Variants in GPC5 observed in about 807,000 individuals in gnomAD.
GPC5 encodes the protein glypican-5.
In GPC5, 47 loss-of-function variants were observed where a neutral mutation model predicts 53.9. That is an observed-to-expected ratio of 0.87 (90% CI 0.69 to 1.11). The LOEUF is 1.11. Ranked by LOEUF, GPC5 falls within the 50% of genes most tolerant of loss-of-function variation. The probability of loss-of-function intolerance (pLI) is 0.00; values close to 1 mark genes in which losing one functional copy is unlikely to be tolerated. For synonymous variants in GPC5, 286 were observed against 263.3 expected, an observed-to-expected ratio of 1.09 and a Z score of -0.84; for missense variants, 748 against 713.1, an observed-to-expected ratio of 1.05 and a Z score of -0.56.
chr13:91,572,072 CACACATATGTATATGTACATGT>C (rs2031899380), intron 2 of GPC5, among the ~76,000 whole-genome samples: 3 of 131,952 alleles, frequency 2.3e-5, no homozygotes, highest in African/African-American at 1.0e-4. Flanking sequence ...CATGTATATA[CACACATATGTATATGTACATGT>C]GTGTGTATAT....
At chr13:91,555,909 T>G (rs533476272) in intron 2 of GPC5, among the ~76,000 whole-genome samples, 65 of 152,136 alleles carry the variant, frequency 4.3e-4, no homozygotes, top group African/African-American at 1.4e-3. Flanking sequence ...TATCTTCCAT[T>G]AGGTCCCTCC....
chr13:92,014,143 T>G (rs2040686231), intron 6 of GPC5, among the ~76,000 whole-genome samples: 1 of 152,220 alleles, frequency 6.6e-6, no homozygotes, highest in Non-Finnish European at 1.5e-5. Flanking sequence ...TGCCTTTATC[T>G]ACTTAGCTCC....
In GPC5 at chr13:92,148,790, T is replaced by C. The variant is rs138348504; in HGVS notation, c.1561+3801T>C. On this transcript the variant is annotated intron_variant, in intron 7 of 7. Transcript: ENST00000377067. ...AAAAATAATTCTCTTCTTTTGGCCATGCAGAACGAATCTAATATTAAAATC... is the reference window on the plus strand; with the variant it reads ...AAAAATAATTCTCTTCTTTTGGCCACGCAGAACGAATCTAATATTAAAATC... Among the ~76,000 whole-genome samples the C allele has an allele frequency of 3.0e-3, 452 of 152,190 alleles. 3 individuals are homozygous for C. Among genetic ancestry groups the C allele is most frequent in the African/African-American group, 0.01 (432 of 41,562 alleles).
intron 6 of GPC5, among the ~76,000 whole-genome samples, chr13:92,040,085 A>G (rs765783529): frequency 2.6e-5 from 4 of 152,216 alleles, no homozygotes; most frequent in Non-Finnish European, 5.9e-5. Flanking sequence ...GTGGAGAGTA[A>G]TTAAAATGAG....
At chr13:92,415,582 G>T (rs1233425803) in intron 7 of GPC5, among the ~76,000 whole-genome samples, 1 of 151,956 alleles carries the variant, frequency 6.6e-6, no homozygotes, top group Non-Finnish European at 1.5e-5. Flanking sequence ...GCAATAGTGA[G>T]CTTGAAGTGT....
At chr13:92,841,534 A>AAGAT (rs758186242) in intron 7 of GPC5, among the ~76,000 whole-genome samples, 3 of 152,104 alleles carry the variant, frequency 2.0e-5, no homozygotes, top group Non-Finnish European at 4.4e-5. Context: ...TTCTGACTCC[A>AAGAT]AGATAGCATT....
chr13:92,813,304 T>C (rs1006095484), intron 7 of GPC5, among the ~76,000 whole-genome samples: 4 of 151,894 alleles, frequency 2.6e-5, no homozygotes, highest in African/African-American at 9.7e-5. Context: ...TCAAAATAAT[T>C]TTGTAATCTT....
intron 7 of GPC5, among the ~76,000 whole-genome samples, chr13:92,352,208 CTGAAAAACATA>C (rs1466972698): frequency 6.6e-6 from 1 of 151,424 alleles, no homozygotes; most frequent in Non-Finnish European, 1.5e-5. Flanking sequence ...ACAAATGAAC[CTGAAAAACATA>C]TGAAAAAAAT....
chr13:91,488,491 G>A (rs1305014927), intron 2 of GPC5, among the ~76,000 whole-genome samples: 1 of 152,166 alleles, frequency 6.6e-6, no homozygotes, highest in Non-Finnish European at 1.5e-5. Context: ...AAGATTTCAT[G>A]GACATTTGTT....
chr13:92,256,362 A>G (rs1194346186), intron 7 of GPC5, among the ~76,000 whole-genome samples: 1 of 151,968 alleles, frequency 6.6e-6, no homozygotes, highest in African/African-American at 2.4e-5. Context: ...ATATAACAAC[A>G]ACAAAAAATG....
At chr13:91,494,691 G>A (rs1253566712) in intron 2 of GPC5, among the ~76,000 whole-genome samples, 1 of 152,136 alleles carries the variant, frequency 6.6e-6, no homozygotes. Flanking sequence ...CTAGTCAGCA[G>A]TAGGGGACAG....
At chr13:92,031,904 A>T (rs2040854370) in intron 6 of GPC5, among the ~76,000 whole-genome samples, 1 of 107,108 alleles carries the variant, frequency 9.3e-6, no homozygotes, top group Non-Finnish European at 1.8e-5. Flanking sequence ...TATTTTATAT[A>T]TTATATATTA....
At chr13:91,999,207 C>A (rs1274494379) in intron 6 of GPC5, among the ~76,000 whole-genome samples, 1 of 150,692 alleles carries the variant, frequency 6.6e-6, no homozygotes. Flanking sequence ...TCAAAATAAC[C>A]TTTTTTTTTT....
intron 7 of GPC5, among the ~76,000 whole-genome samples, chr13:92,390,482 T>C (rs976931030): frequency 6.6e-6 from 1 of 152,210 alleles, no homozygotes; most frequent in African/African-American, 2.4e-5. Context: ...TCCACTTTTC[T>C]GCATGACATA....
At chr13:91,919,039 A>G (rs2039685854) in intron 6 of GPC5, among the ~76,000 whole-genome samples, 1 of 152,174 alleles carries the variant, frequency 6.6e-6, no homozygotes, top group Admixed American at 6.5e-5. Flanking sequence ...ACAGAATTCC[A>G]TCCTAATTAC....
chr13:91,932,769 C>T (rs1171226557), intron 6 of GPC5, among the ~76,000 whole-genome samples: 1 of 151,948 alleles, frequency 6.6e-6, no homozygotes, highest in African/African-American at 2.4e-5. Context: ...GTAATGGCCT[C>T]CTAGCATCTA....
intron 7 of GPC5, among the ~76,000 whole-genome samples, chr13:92,199,906 A>G (rs1045901723): frequency 3.3e-5 from 5 of 152,210 alleles, no homozygotes; most frequent in Admixed American, 2.6e-4. Context: ...AAATAGGTAC[A>G]GGTAAAAGCT....
At chr13:92,351,610 C>G (rs1022455979) in intron 7 of GPC5, among the ~76,000 whole-genome samples, 4 of 151,890 alleles carry the variant, frequency 2.6e-5, no homozygotes, top group African/African-American at 9.7e-5. Flanking sequence ...AAGAATCCAC[C>G]TACAAATTAT....
chr13:92,704,183 T>C (rs1247370582), intron 7 of GPC5, among the ~76,000 whole-genome samples: 1 of 152,042 alleles, frequency 6.6e-6, no homozygotes, highest in East Asian at 1.9e-4. Context: ...TAAATTCCAA[T>C]TTGTAAAATC....
Sources: gnomAD v4.1 joint callset for allele counts (sites outside exome capture counted in the v4.1 genomes callset) on GRCh38, gnomAD v4.1.1 for gene constraint, MANE v1.5 for transcripts, NCBI Gene and HGNC (gene_info 2026-07-23, HGNC 2026-07-21) for gene names.